Variants in RAB5C observed in about 807,000 individuals in gnomAD.
The protein encoded by RAB5C is RAB5C, member RAS oncogene family, also known as ras-related protein Rab-5C.
A neutral mutation model predicts 25.2 loss-of-function variants in RAB5C; 4 were observed. The ratio of observed to expected loss-of-function variants is 0.16; its 90% CI spans 0.08 to 0.36. The LOEUF is 0.36. RAB5C is among the 10% of genes least tolerant of loss of function. The probability of loss-of-function intolerance (pLI) is 1.00; values close to 1 mark genes in which losing one functional copy is unlikely to be tolerated. For missense variants in RAB5C, 199 were observed against 283.8 expected, an observed-to-expected ratio of 0.70 and a Z score of 2.15; for synonymous variants, 100 against 106.4, an observed-to-expected ratio of 0.94 and a Z score of 0.37.
intron 4 of RAB5C, 124 bp downstream of exon 4, chr17:42,128,137 A>T (rs944251586): frequency 1.4e-6 from 2 of 1,380,636 alleles, no homozygotes; most frequent in East Asian, 4.8e-5. Flanking sequence ...GCACGAGAGG[A>T]CAGCAGATGG....
intron 1 of RAB5C, among the ~76,000 whole-genome samples, chr17:42,132,911 A>AC (rs964124551): frequency 4.6e-5 from 7 of 152,104 alleles, no homozygotes; most frequent in Non-Finnish European, 7.4e-5. Flanking sequence ...AGGTGACAGA[A>AC]CCCCCCAGAC....
At chr17:42,128,431 C>A (rs1332550062) in intron 3 of RAB5C, 48 bp from the exon 4 acceptor site, 4 of 1,570,770 alleles carry the variant, frequency 2.5e-6, no homozygotes, top group African/African-American at 1.4e-5. Flanking sequence ...AGGCATTCTG[C>A]CCAGGGCCAC....
chr17:42,153,393 G>T (rs2079684665), intron 1 of RAB5C, among the ~76,000 whole-genome samples: 1 of 152,074 alleles, frequency 6.6e-6, no homozygotes, highest in Non-Finnish European at 1.5e-5. Flanking sequence ...CTCCAGCCTG[G>T]GCGACAGAGC....
At chr17:42,135,430 C>A (rs1488374134) in intron 1 of RAB5C, among the ~76,000 whole-genome samples, 3 of 152,044 alleles carry the variant, frequency 2.0e-5, no homozygotes, top group Non-Finnish European at 4.4e-5. Flanking sequence ...AGAAAATACC[C>A]TGACCAACTG....
chr17:42,146,401 T>C (rs77877440), intron 1 of RAB5C, among the ~76,000 whole-genome samples: 1,565 of 152,268 alleles, frequency 0.01, 28 homozygotes, highest in African/African-American at 0.036. Flanking sequence ...AAAAGTATTC[T>C]GAAAGAATAA....
intron 4 of RAB5C, 81 bp from the exon 5 acceptor site, chr17:42,126,929 C>T (rs1359522700): frequency 1.2e-6 from 1 of 846,712 alleles, no homozygotes; most frequent in Admixed American, 1.9e-5. Flanking sequence ...ACAAACCTTC[C>T]TTATTCGAGC....
chr17:42,154,242 G>A (rs1234275388), intron 1 of RAB5C, among the ~76,000 whole-genome samples: 1 of 152,220 alleles, frequency 6.6e-6, no homozygotes, highest in East Asian at 1.9e-4. Context: ...GGCAGAAAGA[G>A]AGAGACACTC....
At chr17:42,151,204 G>A (rs2079668607) in intron 1 of RAB5C, among the ~76,000 whole-genome samples, 1 of 152,108 alleles carries the variant, frequency 6.6e-6, no homozygotes, top group Admixed American at 6.6e-5. Flanking sequence ...TGGGAGGCCA[G>A]GGTGGGCGGA....
At chr17:42,128,555 G>A (rs1167908347) in intron 3 of RAB5C, 94 bp downstream of exon 3, 16 of 1,337,018 alleles carry the variant, frequency 1.2e-5, no homozygotes, top group African/African-American at 3.1e-5. Context: ...CAGGAACAGA[G>A]GGTTAAGCGG....
intron 1 of RAB5C, among the ~76,000 whole-genome samples, chr17:42,132,684 T>TTTTCTTTC (rs754916514): frequency 2.0e-5 from 3 of 151,382 alleles, no homozygotes; most frequent in African/African-American, 7.3e-5. Context: ...CTAATTAAAA[T>TTTTCTTTC]TTTCTTTCTT....
intron 1 of RAB5C, among the ~76,000 whole-genome samples, chr17:42,137,024 C>T (rs533796778): frequency 1.3e-5 from 2 of 152,166 alleles, no homozygotes; most frequent in South Asian, 4.1e-4. Context: ...AGCACATTGC[C>T]GCCGGGTGAG....
chr17:42,152,791 A>G (rs562430378), intron 1 of RAB5C, among the ~76,000 whole-genome samples: 1 of 152,130 alleles, frequency 6.6e-6, no homozygotes, highest in Non-Finnish European at 1.5e-5. Context: ...AAAAAAAAAA[A>G]AAAGTCGTTT....
chr17:42,144,746 G>A (rs1246808335), intron 1 of RAB5C, among the ~76,000 whole-genome samples: 2 of 151,694 alleles, frequency 1.3e-5, no homozygotes, highest in African/African-American at 4.8e-5. Context: ...GCCTAACAAG[G>A]TGAAACCCTG....
At chr17:42,151,593 A>G (rs1015819854) in intron 1 of RAB5C, among the ~76,000 whole-genome samples, 7 of 151,812 alleles carry the variant, frequency 4.6e-5, no homozygotes, top group African/African-American at 1.7e-4. Context: ...GCAGCACCAC[A>G]GGAGAAACAG....
chr17:42,137,395 A>G (rs1441418950), intron 1 of RAB5C, among the ~76,000 whole-genome samples: 1 of 152,204 alleles, frequency 6.6e-6, no homozygotes, highest in East Asian at 1.9e-4. Context: ...ATAATAATAT[A>G]AAAACCCATC....
At chr17:42,137,072 G>A (rs1198296259) in intron 1 of RAB5C, among the ~76,000 whole-genome samples, 1 of 152,164 alleles carries the variant, frequency 6.6e-6, no homozygotes, top group Non-Finnish European at 1.5e-5. Flanking sequence ...TTGGGAGGCT[G>A]AGGTGGGTGG....
At chr17:42,153,101 T>G (rs2079682464) in intron 1 of RAB5C, among the ~76,000 whole-genome samples, 1 of 152,152 alleles carries the variant, frequency 6.6e-6, no homozygotes, top group South Asian at 2.1e-4. Flanking sequence ...AAGGAAGGCT[T>G]CTTCTGTTGT....
chr17:42,134,178 C>G (rs1448715249), intron 1 of RAB5C, among the ~76,000 whole-genome samples: 2 of 152,080 alleles, frequency 1.3e-5, no homozygotes, highest in African/African-American at 4.8e-5. Context: ...TATACCCTCT[C>G]CTCCCAAGCC....
chr17:42,128,721 C>A lies in RAB5C; in HGVS notation c.246G>T (p.Arg82=), dbSNP rs1212077897. 3 of 1,584,796 alleles carry A rather than the reference C, an allele frequency of 1.9e-6. No individual in the cohort carries two copies. The highest frequency in any genetic ancestry group is 1.7e-6 in the Non-Finnish European group (2 of 1,166,170). Residue 82 remains arginine (R), a synonymous_variant, in exon 3 of 6, where the codon CGG becomes CGT. Coordinates refer to ENST00000346213, the MANE Select transcript of RAB5C (RefSeq NM_004583.4). Reference sequence around the variant, plus strand: ...AGTACATGGGGGCCAGGCTGTGATACCGCTCCTGTCCAGCTGTGTCCCAGA... The same window carrying A: ...AGTACATGGGGGCCAGGCTGTGATAACGCTCCTGTCCAGCTGTGTCCCAGA... ...FEIWDTAGQE[R]YHSLAPMYYR...
Sources: gnomAD v4.1 joint callset for allele counts (sites outside exome capture counted in the v4.1 genomes callset) on GRCh38, gnomAD v4.1.1 for gene constraint, MANE v1.5 for transcripts, NCBI Gene and HGNC (gene_info 2026-07-23, HGNC 2026-07-21) for gene names.